Variants in NEK10 observed in about 807,000 individuals in gnomAD.
NEK10 encodes the protein serine/threonine-protein kinase Nek10.
NEK10 carries 122 observed loss-of-function variants against 159.8 expected under a neutral mutation model. The ratio of observed to expected loss-of-function variants is 0.76; its 90% CI spans 0.66 to 0.89. The LOEUF is 0.89. Among genes scored for constraint, NEK10 ranks in the 40% least tolerant of loss-of-function variants. The probability of loss-of-function intolerance (pLI) is 0.00; values close to 1 mark genes in which losing one functional copy is unlikely to be tolerated. For synonymous variants in NEK10, 466 were observed against 457.1 expected (o/e 1.02, Z -0.25); for missense variants, 1,342 against 1,323.1 (o/e 1.01, Z -0.22).
chr3:27,148,464 A>C (rs1266183449), intron 30 of NEK10, among the ~76,000 whole-genome samples: 1 of 152,178 alleles, frequency 6.6e-6, no homozygotes, highest in African/African-American at 2.4e-5. Flanking sequence ...GGTATGGCTC[A>C]TGTGCAACAG....
At chr3:27,155,971 C>T (rs544031796) in intron 30 of NEK10, among the ~76,000 whole-genome samples, 4 of 152,112 alleles carry the variant, frequency 2.6e-5, no homozygotes, top group African/African-American at 9.6e-5. Flanking sequence ...GAATAGAGAA[C>T]CCAGAAGTAA....
intron 3 of NEK10, among the ~76,000 whole-genome samples, chr3:27,347,898 T>G (rs138307766): frequency 1.1e-3 from 160 of 152,294 alleles, no homozygotes; most frequent in African/African-American, 3.8e-3. Flanking sequence ...TTCTGTATCA[T>G]TAAAATGGAA....
At chr3:27,216,864 TA>T (rs564674361) in intron 23 of NEK10, among the ~76,000 whole-genome samples, 7 of 152,218 alleles carry the variant, frequency 4.6e-5, no homozygotes, top group African/African-American at 7.2e-5. Flanking sequence ...AAGTTGGGGA[TA>T]AATGCTATGC....
chr3:27,345,552 G>C (rs528770992), intron 4 of NEK10, among the ~76,000 whole-genome samples: 2 of 152,298 alleles, frequency 1.3e-5, no homozygotes, highest in East Asian at 3.9e-4. Flanking sequence ...CTGTAAAACT[G>C]AGAGAACCAG....
At chr3:27,323,125 A>G (rs2045765987) in intron 5 of NEK10, among the ~76,000 whole-genome samples, 1 of 152,206 alleles carries the variant, frequency 6.6e-6, no homozygotes, top group Admixed American at 6.5e-5. Context: ...AGGAGAGGCC[A>G]GTAAGAGAGT....
At chr3:27,166,786 C>T (rs1946526602) in intron 29 of NEK10, among the ~76,000 whole-genome samples, 1 of 151,962 alleles carries the variant, frequency 6.6e-6, no homozygotes, top group African/African-American at 2.4e-5. Context: ...ATGGTGAAAC[C>T]CCATCTCTAC....
At position 27,297,232 on chromosome 3, in the gene NEK10, C is replaced by T. The variant is rs372812457; in HGVS notation, c.1177G>A (p.Ala393Thr). 3.1e-6 allele frequency: 5 copies of T among 1,612,100 alleles called. No individual in the cohort carries two copies. The African/African-American group carries it at 4.0e-5, about 13-fold the overall frequency. The change falls in exon 14 of 36, where the codon GCT becomes ACT. Residue 393 changes from alanine to threonine, a missense_variant. Transcript: ENST00000691995. ...NTFSLQAACC[A>T]ALTELVLNDT... ...TTGAGCACCAGCTCAGTGAGGGCAG[C>T]ACAGCAGGCTGGAATGACAACAATC...
intron 23 of NEK10, among the ~76,000 whole-genome samples, chr3:27,237,782 A>C (rs1047706421): frequency 2.0e-5 from 3 of 152,152 alleles, no homozygotes; most frequent in South Asian, 2.1e-4. Flanking sequence ...CATGCATCCC[A>C]AAACCACCTG....
At chr3:27,121,189 C>T (rs941065317) in intron 32 of NEK10, among the ~76,000 whole-genome samples, 5 of 151,940 alleles carry the variant, frequency 3.3e-5, no homozygotes, top group African/African-American at 7.3e-5. Context: ...CCCCAATTGT[C>T]CGTGGAGAAA....
At chr3:27,228,897 TA>T (rs1952923962) in intron 23 of NEK10, among the ~76,000 whole-genome samples, 1 of 152,036 alleles carries the variant, frequency 6.6e-6, no homozygotes, top group Admixed American at 6.6e-5. Flanking sequence ...TTCTCCCTGA[TA>T]AAAACCTCAG....
intron 7 of NEK10, among the ~76,000 whole-genome samples, chr3:27,313,899 A>G (rs900622701): frequency 6.6e-6 from 1 of 152,004 alleles, no homozygotes; most frequent in African/African-American, 2.4e-5. Flanking sequence ...TTTAGTAGAG[A>G]CGGGGTTTCA....
chr3:27,162,602 C>T, intron 30 of NEK10, 99 bp downstream of exon 30: 2 of 1,613,916 alleles, frequency 1.2e-6, no homozygotes, highest in Non-Finnish European at 1.7e-6. Flanking sequence ...GGCAGCAAAG[C>T]TGAAGAAATA....
At position 27,291,667 on chromosome 3, in the gene NEK10, G is replaced by A; in HGVS notation, c.1374-81C>T. ...TTCCCTTTTTTATTTTTTTGAGACAGAGTCTCACTGTGTCACCCAGGCTGG... is the reference window on the plus strand; with the variant it reads ...TTCCCTTTTTTATTTTTTTGAGACAAAGTCTCACTGTGTCACCCAGGCTGG... On this transcript the variant is annotated intron_variant, in intron 16 of 35. Coordinates refer to ENST00000691995, the MANE Select transcript of NEK10 (RefSeq NM_001394966.1). The A allele has an allele frequency of 5.0e-6, 4 of 799,728 alleles. No homozygotes were observed. In the East Asian group the frequency reaches 1.0e-4, roughly 21 times the overall value. The allele number at this position is 799,728 out of a possible 1,614,324, so 49.5% of individuals were successfully genotyped here.
intron 13 of NEK10, among the ~76,000 whole-genome samples, chr3:27,298,656 A>T (rs1006193812): frequency 2.0e-5 from 3 of 152,084 alleles, no homozygotes; most frequent in Non-Finnish European, 2.9e-5. Flanking sequence ...AAAGTTTGGA[A>T]CTCCCTAGAG....
intron 14 of NEK10, among the ~76,000 whole-genome samples, 174 bp downstream of exon 14, chr3:27,297,005 G>A (rs2149516000): frequency 6.6e-6 from 1 of 152,328 alleles, no homozygotes; most frequent in East Asian, 1.9e-4. Context: ...AGTTAAAGGA[G>A]GAAGGAGAAG....
intron 22 of NEK10, among the ~76,000 whole-genome samples, chr3:27,279,134 A>T (rs2041971372): frequency 6.6e-6 from 1 of 152,258 alleles, no homozygotes; most frequent in Non-Finnish European, 1.5e-5. Flanking sequence ...CAGCATGCTT[A>T]CTATAAATAA....
intron 29 of NEK10, among the ~76,000 whole-genome samples, chr3:27,164,850 C>T (rs1946340228): frequency 6.6e-6 from 1 of 152,212 alleles, no homozygotes; most frequent in Admixed American, 6.5e-5. Context: ...TAATCACTCA[C>T]ATGATGAGTT....
intron 30 of NEK10, 129 bp from the exon 31 acceptor site, chr3:27,141,711 G>T: frequency 1.6e-6 from 1 of 621,030 alleles, no homozygotes; most frequent in Non-Finnish European, 2.8e-6. Context: ...AATATGCAGA[G>T]ACCCTGTAAT....
Position 27,265,379 on chromosome 3 carries a change from G to GT in NEK10, c.2015-9009dup, listed in dbSNP as rs1258584487. Among the ~76,000 whole-genome samples the GT allele has an allele frequency of 7.2e-5, 11 of 152,308 alleles. No homozygotes were observed. In the East Asian group the frequency reaches 1.9e-3, roughly 27 times the overall value. On this transcript the variant is annotated intron_variant, in intron 22 of 35. Transcript: ENST00000691995. ...AACTGCCAAGTCAAAATGTTTTCCA[G>GT]TTTTTTCTCTCACCAGAAATTTGAG...
Sources: gnomAD v4.1 joint callset for allele counts (sites outside exome capture counted in the v4.1 genomes callset) on GRCh38, gnomAD v4.1.1 for gene constraint, MANE v1.5 for transcripts, NCBI Gene and HGNC (gene_info 2026-07-23, HGNC 2026-07-21) for gene names.